VPS8: variants seen among roughly 807,000 people sequenced by gnomAD.
VPS8 encodes VPS8 subunit of CORVET complex.
A neutral mutation model predicts 216.4 loss-of-function variants in VPS8; 129 were observed. The ratio of observed to expected loss-of-function variants is 0.60; its 90% CI spans 0.52 to 0.69. VPS8 has a LOEUF of 0.69. Among genes scored for constraint, VPS8 ranks in the 30% least tolerant of loss-of-function variants. The pLI, the probability that VPS8 is intolerant of heterozygous loss-of-function variation, is 0.00. For synonymous variants in VPS8, 571 were observed against 565.4 expected (o/e 1.01, Z -0.14); for missense variants, 1,531 against 1,683.5 (o/e 0.91, Z 1.59).
chr3:184,903,976 C>T lies in VPS8; in HGVS notation c.2146+3004C>T, dbSNP rs934708982. ...GTATAGGTCATATACTCCTTTTCCT[C>T]CTCCTAAGTATTTTATTCACCTTGA... On this transcript the variant is annotated intron_variant, in intron 25 of 47. Transcript: ENST00000625842. Among the ~76,000 whole-genome samples, 4 of 152,142 alleles carry T rather than the reference C, an allele frequency of 2.6e-5. No homozygotes were observed. In the South Asian group the frequency reaches 6.2e-4, roughly 24 times the overall value.
At chr3:184,868,535 A>G (rs983252946) in intron 18 of VPS8, among the ~76,000 whole-genome samples, 7 of 152,186 alleles carry the variant, frequency 4.6e-5, no homozygotes, top group African/African-American at 7.2e-5. Context: ...CAACACTTCC[A>G]CTTATCGTTA....
chr3:184,994,892 G>A (rs562031154), intron 43 of VPS8, among the ~76,000 whole-genome samples: 17 of 152,272 alleles, frequency 1.1e-4, no homozygotes, highest in East Asian at 5.8e-4. Flanking sequence ...CAATCATGGC[G>A]GAAGGTGAAA....
chr3:184,882,433 G>T, intron 21 of VPS8: 1 of 443,218 alleles, frequency 2.3e-6, no homozygotes, highest in Admixed American at 2.5e-5. Flanking sequence ...TTGGTCATGA[G>T]GTATAATTCT....
intron 9 of VPS8, 161 bp downstream of exon 9, chr3:184,849,356 T>A: frequency 1.2e-6 from 1 of 812,586 alleles, no homozygotes; most frequent in Non-Finnish European, 1.8e-6. Context: ...TGTTCAAAAT[T>A]TTACATAATT....
chr3:184,994,081 TAC>T lies in VPS8; in HGVS notation c.3666+20_3666+21del, dbSNP rs1236499804. 6.0e-6 allele frequency: 9 copies of T among 1,509,838 alleles called. No individual in the cohort carries two copies. The highest frequency in any genetic ancestry group is 8.0e-6 in the Non-Finnish European group (9 of 1,123,094). The allele number at this position is 1,509,838 out of a possible 1,614,324, so 93.5% of individuals were successfully genotyped here. ...ATGAACAAGTAAGTAAGCTACTTGT[TAC>T]ATCTAAGTCTGTCCTAAGGTAGAAA... is the stretch of plus-strand genomic sequence containing the variant. On this transcript the variant is annotated intron_variant, in intron 43 of 47. Coordinates refer to ENST00000625842, the MANE Select transcript of VPS8 (RefSeq NM_001009921.3).
chr3:184,961,138 T>C (rs907787324), intron 37 of VPS8, among the ~76,000 whole-genome samples: 3 of 152,240 alleles, frequency 2.0e-5, no homozygotes, highest in Non-Finnish European at 4.4e-5. Flanking sequence ...CTTAATAGAC[T>C]AAATAGCAGT....
In VPS8 at chr3:184,996,333, C is replaced by T. The variant is rs777952587; in HGVS notation, c.3668C>T (p.Thr1223Ile). 3.7e-6 allele frequency: 6 copies of T among 1,609,146 alleles called. No individual in the cohort carries two copies. The African/African-American group carries it at 6.7e-5, about 18-fold the overall frequency. The change falls in exon 44 of 48, where the codon ACC becomes ATC. Residue 1223 changes from threonine (T) to isoleucine (I), a missense_variant and splice_region_variant. Transcript: ENST00000625842. Reference protein sequence around the residue: ...GMLDTFNYEQTLLETTTSLLN... With the variant: ...GMLDTFNYEQILLETTTSLLN... ...GTTTTTTGTTTTGGTGTTTCATAGA[C>T]CCTGCTGGAAACAACAACCAGCCTT...
Position 184,860,057 on chromosome 3 carries a change from A to G in VPS8, c.1216A>G (p.Asn406Asp), listed in dbSNP as rs762807488. ...KHLHLYYDLI[N>D]FTWINSRTVV... ...TCTTCACCTATACTATGACCTCATC[A>G]ACTTTACCGTGAGTATTATTCAAAT... The change falls in exon 15 of 48, where the codon AAC becomes GAC. Residue 406 changes from asparagine to aspartate, a missense_variant. Physicochemically the swap from Asn to Asp is conservative, Grantham distance 23 (BLOSUM62 1). This residue lies in a region of VPS8 where 1,318 missense variants were observed against 1,468.4 expected (regional missense o/e 0.90). Transcript: ENST00000625842. The G allele has an allele frequency of 1.9e-6, 3 of 1,608,690 alleles. No homozygotes were observed. The highest frequency in any genetic ancestry group is 2.6e-6 in the Non-Finnish European group (3 of 1,175,848).
intron 36 of VPS8, among the ~76,000 whole-genome samples, chr3:184,941,496 C>T (rs775637609): frequency 1.7e-4 from 25 of 150,622 alleles, no homozygotes; most frequent in Non-Finnish European, 2.7e-4. Flanking sequence ...TTTCTACTCC[C>T]AGAATTAACT....
intron 21 of VPS8, among the ~76,000 whole-genome samples, chr3:184,880,833 C>T (rs1464132288): frequency 6.6e-6 from 1 of 152,084 alleles, no homozygotes; most frequent in Non-Finnish European, 1.5e-5. Flanking sequence ...TTGATGAAGT[C>T]ACTGTTTTAT....
At chr3:185,019,989 G>A (rs1050086062) in intron 45 of VPS8, among the ~76,000 whole-genome samples, 2 of 152,170 alleles carry the variant, frequency 1.3e-5, no homozygotes, top group African/African-American at 4.8e-5. Flanking sequence ...TTATAGGAAA[G>A]GGAGTTGTGG....
intron 34 of VPS8, 126 bp downstream of exon 34, chr3:184,930,694 C>T (rs570532936): frequency 9.2e-6 from 6 of 648,874 alleles, no homozygotes; most frequent in East Asian, 2.7e-5. Flanking sequence ...AAATCTTTTT[C>T]GTGTAATTAT....
intron 8 of VPS8, among the ~76,000 whole-genome samples, chr3:184,844,376 G>A (rs1722719740): frequency 6.6e-6 from 1 of 151,966 alleles, no homozygotes; most frequent in South Asian, 2.1e-4. Context: ...AGCCGAGATC[G>A]TGCCACTGCA....
At position 184,852,635 on chromosome 3, in the gene VPS8, A is replaced by G. The variant is rs1577902556; in HGVS notation, c.821+68A>G. On this transcript the variant is annotated intron_variant, in intron 11 of 47. Coordinates refer to ENST00000625842, the MANE Select transcript of VPS8 (RefSeq NM_001009921.3). ...CTCTGTTTTAATGATTTGAAATTGA[A>G]CATGAAGAGGACTAGAAAGCCCCTG... 19 of 1,471,682 alleles carry G rather than the reference A, an allele frequency of 1.3e-5. No homozygotes were observed. The East Asian group carries it at 4.1e-4, about 32-fold the overall frequency. The allele number at this position is 1,471,682 out of a possible 1,614,324, so 91.2% of individuals were successfully genotyped here.
intron 45 of VPS8, among the ~76,000 whole-genome samples, chr3:185,002,269 G>C (rs1158914585): frequency 6.6e-6 from 1 of 151,960 alleles, no homozygotes; most frequent in Non-Finnish European, 1.5e-5. Context: ...TTTATTCCAA[G>C]TTTTCTTGAG....
At chr3:184,902,994 C>T (rs1232248096) in intron 25 of VPS8, among the ~76,000 whole-genome samples, 3 of 151,906 alleles carry the variant, frequency 2.0e-5, no homozygotes, top group Admixed American at 1.3e-4. Flanking sequence ...GATTTTTTTC[C>T]ATACAGCTAT....
intron 3 of VPS8, among the ~76,000 whole-genome samples, chr3:184,829,822 T>C (rs1378938363): frequency 6.6e-6 from 1 of 152,252 alleles, no homozygotes; most frequent in Non-Finnish European, 1.5e-5. Context: ...AATATCTCTT[T>C]TGTGAATTGC....
chr3:184,875,179 A>G (rs1036034211), intron 21 of VPS8, among the ~76,000 whole-genome samples: 2 of 148,572 alleles, frequency 1.3e-5, no homozygotes, highest in Non-Finnish European at 3.0e-5. Context: ...ATTAAGACTG[A>G]TCTCTGTCAC....
chr3:184,949,124 A>G (rs997889049), intron 36 of VPS8, among the ~76,000 whole-genome samples: 1 of 152,060 alleles, frequency 6.6e-6, no homozygotes, highest in Non-Finnish European at 1.5e-5. Flanking sequence ...TGGGCAACAC[A>G]GTGAAACTCT....
Sources: gnomAD v4.1 joint callset for allele counts (sites outside exome capture counted in the v4.1 genomes callset) on GRCh38, gnomAD v4.1.1 for gene constraint, gnomAD v4.1.1 regional missense constraint, MANE v1.5 for transcripts, NCBI Gene and HGNC (gene_info 2026-07-23, HGNC 2026-07-21) for gene names.